The following TRHDE variants were observed in gnomAD, a reference collection of about 807,000 sequenced individuals.
The protein encoded by TRHDE is thyrotropin-releasing hormone-degrading ectoenzyme.
TRHDE carries 72 observed loss-of-function variants against 125.7 expected under a neutral mutation model. The observed-to-expected ratio is 0.57, with a 90% confidence interval of 0.47 to 0.70. The LOEUF (loss-of-function observed/expected upper bound fraction) is 0.70. TRHDE is among the 30% of genes least tolerant of loss of function. The pLI, the probability that TRHDE is intolerant of heterozygous loss-of-function variation, is 0.00. For missense variants in TRHDE, 1,110 were observed against 1,327.1 expected (o/e 0.84, Z 2.54); for synonymous variants, 509 against 509.1 (o/e 1.00, Z 0.00).
At chr12:72,485,176 A>G (rs1877345580) in intron 5 of TRHDE, among the ~76,000 whole-genome samples, 1 of 152,118 alleles carries the variant, frequency 6.6e-6, no homozygotes, top group South Asian at 2.1e-4. Context: ...ACACTGAGCT[A>G]CACCCAGAGA....
In TRHDE at chr12:72,605,609, C is replaced by T. The variant is rs566098720; in HGVS notation, c.2322-13282C>T. Among the ~76,000 whole-genome samples, 27 of 152,180 alleles carry T rather than the reference C, an allele frequency of 1.8e-4. No homozygotes were observed. The South Asian group carries it at 5.0e-3, about 28-fold the overall frequency. The stretch of plus-strand genomic sequence containing the variant: ...ATTTTTTCTTTCCACACTTCATCTG[C>T]AATAGCATTGAGGGATTTTAACTCT... On this transcript the variant is annotated intron_variant, in intron 12 of 18. Transcript: ENST00000261180.
intron 2 of TRHDE, among the ~76,000 whole-genome samples, chr12:72,157,084 A>T (rs1043456260): frequency 6.6e-5 from 10 of 152,062 alleles, no homozygotes; most frequent in African/African-American, 9.7e-5. Context: ...TGGGCAGAGG[A>T]AATGGCAGGA....
upstream of TRHDE, chr12:72,271,805 A>G (rs1440750836): frequency 2.4e-6 from 1 of 418,748 alleles, no homozygotes; most frequent in Non-Finnish European, 4.8e-6. Flanking sequence ...TATGGAGCAA[A>G]CCCAGAGCTT....
At chr12:72,316,588 C>A (rs951496099) in intron 2 of TRHDE, among the ~76,000 whole-genome samples, 1 of 152,110 alleles carries the variant, frequency 6.6e-6, no homozygotes, top group African/African-American at 2.4e-5. Context: ...CTGCCTTTTA[C>A]CCCATAAATT....
chr12:72,122,914 C>T (rs181039640), intron 2 of TRHDE, among the ~76,000 whole-genome samples: 126 of 152,010 alleles, frequency 8.3e-4, no homozygotes, highest in African/African-American at 2.7e-3. Context: ...TTAAAGGATA[C>T]GATGAAGACA....
chr12:72,280,596 A>G (rs1461214152), intron 1 of TRHDE, among the ~76,000 whole-genome samples: 1 of 152,242 alleles, frequency 6.6e-6, no homozygotes, highest in African/African-American at 2.4e-5. Context: ...TATTTCAGCC[A>G]GAGAATCTCC....
At chr12:72,626,622 C>A (rs150552274) in intron 15 of TRHDE, among the ~76,000 whole-genome samples, 2 of 152,052 alleles carry the variant, frequency 1.3e-5, no homozygotes, top group African/African-American at 2.4e-5. Flanking sequence ...GGCCTCCTGG[C>A]AAATATAACT....
chr12:72,640,197 A>C (rs1015732416), intron 15 of TRHDE, among the ~76,000 whole-genome samples: 1 of 152,232 alleles, frequency 6.6e-6, no homozygotes, highest in African/African-American at 2.4e-5. Flanking sequence ...TGCGGGACAC[A>C]ATCTCCTGGT....
chr12:72,556,384 A>G (rs1869923135), intron 7 of TRHDE, among the ~76,000 whole-genome samples: 2 of 152,232 alleles, frequency 1.3e-5, no homozygotes, highest in African/African-American at 2.4e-5. Context: ...GGCTTACAAA[A>G]TAGAATAAGA....
intron 2 of TRHDE, among the ~76,000 whole-genome samples, chr12:72,122,707 A>G (rs17110874): frequency 0.02 from 3,048 of 152,250 alleles, 111 homozygotes; most frequent in African/African-American, 0.069. Context: ...GAGCTCTAAT[A>G]TAGACATTAC....
intron 2 of TRHDE, among the ~76,000 whole-genome samples, chr12:72,377,749 A>G (rs1871956325): frequency 6.6e-6 from 1 of 152,168 alleles, no homozygotes; most frequent in African/African-American, 2.4e-5. Flanking sequence ...TGCAAGGTGT[A>G]TAAATCTTCT....
At chr12:72,196,975 C>T (rs1877458439) in intron 2 of TRHDE, among the ~76,000 whole-genome samples, 2 of 152,054 alleles carry the variant, frequency 1.3e-5, no homozygotes, top group African/African-American at 4.8e-5. Flanking sequence ...TCAGATCAGT[C>T]ACCATTATTA....
rs1474588959 is a variant in TRHDE, at chr12:72,156,676, GA to G, written n.279+50927del. Among the ~76,000 whole-genome samples the G allele has an allele frequency of 3.3e-5, 5 of 152,172 alleles. No homozygotes were observed. The East Asian group carries it at 9.6e-4, about 29-fold the overall frequency. ...TAGGAGTTAGAGTTTATTCTGAGTAGAAATTTTTTCAAAGTTCTAAATGCTA... is the reference window on the plus strand; with the variant it reads ...TAGGAGTTAGAGTTTATTCTGAGTAGAATTTTTTCAAAGTTCTAAATGCTA... On this transcript the variant is annotated intron_variant and non_coding_transcript_variant, in intron 2 of 4. Coordinates refer to the TRHDE transcript ENST00000548156.
At chr12:72,220,005 G>A (rs1172974138) in intron 2 of TRHDE, among the ~76,000 whole-genome samples, 1 of 152,148 alleles carries the variant, frequency 6.6e-6, no homozygotes, top group Admixed American at 6.5e-5. Context: ...AAAGAAGCAT[G>A]GAGTAAGCCT....
At position 72,368,253 on chromosome 12, in the gene TRHDE, A is replaced by T. The variant is rs946739913; in HGVS notation, c.1189-9742A>T. Among the ~76,000 whole-genome samples, 20 of 152,314 alleles carry T rather than the reference A, an allele frequency of 1.3e-4. 2 individuals are homozygous for T. In the East Asian group the frequency reaches 3.7e-3, roughly 28 times the overall value. Reference sequence around the variant, plus strand: ...TAATTCCAGGTAGTTTATGATGATAAACTTAAAAAGTCTGTAAGGTACATT... The same window carrying T: ...TAATTCCAGGTAGTTTATGATGATATACTTAAAAAGTCTGTAAGGTACATT... On this transcript the variant is annotated intron_variant, in intron 2 of 18. Coordinates refer to ENST00000261180, the MANE Select transcript of TRHDE (RefSeq NM_013381.3).
At chr12:72,427,347 C>T (rs1049642147) in intron 3 of TRHDE, among the ~76,000 whole-genome samples, 8 of 152,248 alleles carry the variant, frequency 5.3e-5, no homozygotes, top group African/African-American at 1.9e-4. Flanking sequence ...TTTAACATCT[C>T]TTTTCCCCAG....
intron 2 of TRHDE, among the ~76,000 whole-genome samples, chr12:72,335,796 C>T (rs1400158458): frequency 6.6e-6 from 1 of 152,068 alleles, no homozygotes; most frequent in African/African-American, 2.4e-5. Context: ...AAATTGGAGA[C>T]AATTGTTTGA....
intron 2 of TRHDE, among the ~76,000 whole-genome samples, chr12:72,302,223 G>T (rs912977487): frequency 4.9e-5 from 7 of 143,580 alleles, no homozygotes; most frequent in African/African-American, 1.8e-4. Context: ...ATGTTTCTAT[G>T]ATTATTATCT....
At chr12:72,105,346 G>A in intron 1 of TRHDE, among the ~76,000 whole-genome samples, 1 of 152,144 alleles carries the variant, frequency 6.6e-6, no homozygotes, top group East Asian at 1.9e-4. Flanking sequence ...GATAAGTGAT[G>A]CTAAGTGAAT....
Sources: gnomAD v4.1 joint callset for allele counts (sites outside exome capture counted in the v4.1 genomes callset) on GRCh38, gnomAD v4.1.1 for gene constraint, MANE v1.5 for transcripts, NCBI Gene and HGNC (gene_info 2026-07-23, HGNC 2026-07-21) for gene names.